ASB18: variants seen among roughly 807,000 people sequenced by gnomAD.
ASB18 encodes the protein ankyrin repeat and SOCS box containing 18, also known as ankyrin repeat and SOCS box protein 18.
Under a neutral mutation model 33.4 loss-of-function variants are expected in ASB18, and 33 were observed. The observed-to-expected ratio is 0.99, with a 90% confidence interval of 0.75 to 1.32. ASB18 has a LOEUF of 1.32. Ranked by LOEUF, ASB18 falls within the 40% of genes most tolerant of loss-of-function variation. The pLI, the probability that ASB18 is intolerant of heterozygous loss-of-function variation, is 0.00. For synonymous variants in ASB18, 295 were observed against 307.6 expected, an observed-to-expected ratio of 0.96 and a Z score of 0.43; for missense variants, 694 against 655.5, an observed-to-expected ratio of 1.06 and a Z score of -0.64.
chr2:236,200,803 G>GT lies in ASB18; in HGVS notation c.1102-4419dup, dbSNP rs1291019288. On this transcript the variant is annotated intron_variant, in intron 4 of 5. Transcript: ENST00000409749. This position sits in a 1 kb window ranked among gnomAD's most constrained non-coding sequence, Gnocchi z 4.2. ...TTGTATTTTCAATGCTTTTTTTCCTGTTTAGTTTTGCTGAAGGTTTTTCCA... is the reference window on the plus strand; with the variant it reads ...TTGTATTTTCAATGCTTTTTTTCCTGTTTTAGTTTTGCTGAAGGTTTTTCCA... Among the ~76,000 whole-genome samples, 4 of 152,032 alleles carry GT rather than the reference G, an allele frequency of 2.6e-5. No individual in the cohort carries two copies. The highest frequency in any genetic ancestry group is 4.8e-5 in the African/African-American group (2 of 41,416).
rs192170562 is a variant in ASB18 at position 236,235,197 on chromosome 2, C to G, written c.596+2492G>C. Reference sequence around the variant, plus strand: ...TTATAACAATGGTTTTGGTCAACAACAGACCACATATACAATAGTGGTCCC... The same window carrying G: ...TTATAACAATGGTTTTGGTCAACAAGAGACCACATATACAATAGTGGTCCC... On this transcript the variant is annotated intron_variant, in intron 3 of 5. Transcript: ENST00000409749. The surrounding 1 kb of genome is among the most constrained non-coding windows in gnomAD (Gnocchi z 6.2). Among the ~76,000 whole-genome samples, 1 of 152,308 alleles carries G rather than the reference C, an allele frequency of 6.6e-6. No individual in the cohort carries two copies. The highest frequency in any genetic ancestry group is 1.5e-5 in the Non-Finnish European group (1 of 68,028).
rs2060500956 is a variant in ASB18, at chr2:236,219,320, G to A, written c.597-4454C>T. 6.6e-6 allele frequency among the ~76,000 whole-genome samples: 1 copy of A among 152,120 alleles called. No individual in the cohort carries two copies. Among genetic ancestry groups the A allele is most frequent in the African/African-American group, 2.4e-5 (1 of 41,398 alleles). ...AGTTTGATACAAGAACCACAACAGA[G>A]GTTATTAATAACAAAACCATCCCCA... On this transcript the variant is annotated intron_variant, in intron 3 of 5. Transcript: ENST00000409749. The surrounding 1 kb of genome is among the most constrained non-coding windows in gnomAD (Gnocchi z 6.4).
chr2:236,198,920 C>T (rs2060386633), intron 4 of ASB18, among the ~76,000 whole-genome samples: 2 of 152,106 alleles, frequency 1.3e-5, no homozygotes, highest in African/African-American at 4.8e-5. Context: ...TAAATAACAA[C>T]ATTAATAGCA....
chr2:236,241,174 A>T lies in ASB18; in HGVS notation c.328+106T>A. 1 of 1,151,038 alleles carries T rather than the reference A, an allele frequency of 8.7e-7. No individual in the cohort carries two copies. The allele number at this position is 1,151,038 out of a possible 1,614,324, so 71.3% of individuals were successfully genotyped here. On this transcript the variant is annotated intron_variant, in intron 2 of 5. Transcript: ENST00000409749. The surrounding 1 kb of genome is among the most constrained non-coding windows in gnomAD (Gnocchi z 4.2). ...CAGATGTCCTTTTCTTGTGTACGTT[A>T]AACCCAGTGCCACTGTGCCCAGTCT...
chr2:236,264,073 G>A lies in ASB18; in HGVS notation c.205+68C>T. 7.0e-7 allele frequency: 1 copy of A among 1,429,466 alleles called. No individual in the cohort carries two copies. The allele number at this position is 1,429,466 out of a possible 1,614,324, so 88.5% of individuals were successfully genotyped here. A position where few individuals can be genotyped will look rare whatever the true frequency, so the allele number is the denominator to read the frequency against. On this transcript the variant is annotated intron_variant, in intron 1 of 5. Transcript: ENST00000409749. This position sits in a 1 kb window ranked among gnomAD's most constrained non-coding sequence, Gnocchi z 5.1. ...CCAAACATTTGCCCCTCTACCTCCAGGATCTGCCCACCCCATCAGTGTAAC... is the reference window on the plus strand; with the variant it reads ...CCAAACATTTGCCCCTCTACCTCCAAGATCTGCCCACCCCATCAGTGTAAC...
rs1020858160 is a variant in ASB18 at position 236,244,091 on chromosome 2, G to A, written c.206-2689C>T. ...ATCTGCCCACTTCGGCCTCCCAAGTGCTGGGATTACAGGTGTGAGCCACCG... is the reference window on the plus strand; with the variant it reads ...ATCTGCCCACTTCGGCCTCCCAAGTACTGGGATTACAGGTGTGAGCCACCG... On this transcript the variant is annotated intron_variant, in intron 1 of 5. Coordinates refer to ENST00000409749, the MANE Select transcript of ASB18 (RefSeq NM_212556.4). The surrounding 1 kb of genome is among the most constrained non-coding windows in gnomAD (Gnocchi z 6.1). 6.6e-6 allele frequency among the ~76,000 whole-genome samples: 1 copy of A among 152,208 alleles called. No homozygotes were observed.
chr2:236,207,215 A>G (rs1476274912), intron 4 of ASB18, among the ~76,000 whole-genome samples: 3 of 152,206 alleles, frequency 2.0e-5, no homozygotes, highest in Non-Finnish European at 4.4e-5. Flanking sequence ...ACACGGGCCA[A>G]TGGCCCAGCA....
rs2060457716 is a variant in ASB18, at chr2:236,211,360, T to C, written c.1101+3002A>G. 6.6e-6 allele frequency among the ~76,000 whole-genome samples: 1 copy of C among 152,242 alleles called. No individual in the cohort carries two copies. The highest frequency in any genetic ancestry group is 6.5e-5 in the Admixed American group (1 of 15,292). On this transcript the variant is annotated intron_variant, in intron 4 of 5. Transcript: ENST00000409749. The surrounding 1 kb of genome is among the most constrained non-coding windows in gnomAD (Gnocchi z 5.0). ...ACGTGGGCTTCCGAAGCCGTGACAC[T>C]ACTTTGATTCTCACTGCAGAGCACT... is the stretch of plus-strand genomic sequence containing the variant.
At position 236,214,573 on chromosome 2, in the gene ASB18, A is replaced by G. The variant is rs529127050; in HGVS notation, c.890T>C (p.Leu297Pro). ...GCTCGCGTGGCCGCAGGCTTTGTGCAGCGGGCTGCGCTCGTCCTCGTCGCG... is the reference window on the plus strand; with the variant it reads ...GCTCGCGTGGCCGCAGGCTTTGTGCGGCGGGCTGCGCTCGTCCTCGTCGCG... ...DARDEDERSP[L>P]HKACGHASHS... The change falls in exon 4 of 6, where the codon CTG becomes CCG. Residue 297 changes from leucine to proline, a missense_variant. Transcript: ENST00000409749. This position sits in a 1 kb window ranked among gnomAD's most constrained non-coding sequence, Gnocchi z 6.5. 8.8e-4 allele frequency: 1,199 copies of G among 1,355,602 alleles called. 9 individuals carry two copies. The African/African-American group carries it at 0.015, about 17-fold the overall frequency. 84.0% of individuals were successfully genotyped at this position (1,355,602 alleles called of 1,614,324 possible).
rs939918287 is a variant in ASB18 at position 236,215,088 on chromosome 2, T to A, written c.597-222A>T. Among the ~76,000 whole-genome samples, 1 of 150,988 alleles carries A rather than the reference T, an allele frequency of 6.6e-6. No individual in the cohort carries two copies. The highest frequency in any genetic ancestry group is 2.4e-5 in the African/African-American group (1 of 40,960). On this transcript the variant is annotated intron_variant, in intron 3 of 5. Transcript: ENST00000409749. This position sits in a 1 kb window ranked among gnomAD's most constrained non-coding sequence, Gnocchi z 7.2. ...TGAGTGGTGTAAATAGCAAAGGATA[T>A]GCCATAAGAATCCACGTGCAGAGTT...
rs578092083 is a variant in ASB18 at position 236,244,928 on chromosome 2, C to G, written c.206-3526G>C. Among the ~76,000 whole-genome samples the G allele has an allele frequency of 6.6e-6, 1 of 152,266 alleles. No individual in the cohort carries two copies. The highest frequency in any genetic ancestry group is 1.9e-4 in the East Asian group (1 of 5,174). On this transcript the variant is annotated intron_variant, in intron 1 of 5. Coordinates refer to ENST00000409749, the MANE Select transcript of ASB18 (RefSeq NM_212556.4). This position sits in a 1 kb window ranked among gnomAD's most constrained non-coding sequence, Gnocchi z 6.1. ...CTGACCCAAGGCCTGGAGGTTCACC[C>G]AAATGATAAAACCCACCTCTCTTCT... is the stretch of plus-strand genomic sequence containing the variant.
In ASB18 at chr2:236,228,706, A is replaced by G. The variant is rs2060551947; in HGVS notation, c.596+8983T>C. On this transcript the variant is annotated intron_variant, in intron 3 of 5. Coordinates refer to ENST00000409749, the MANE Select transcript of ASB18 (RefSeq NM_212556.4). This position sits in a 1 kb window ranked among gnomAD's most constrained non-coding sequence, Gnocchi z 5.1. ...GGCTGGTTTCAGCAACCAAAGTGTG[A>G]AACCTTATAAATAATTAGGTATGGA... Among the ~76,000 whole-genome samples, 1 of 152,318 alleles carries G rather than the reference A, an allele frequency of 6.6e-6. No homozygotes were observed. Among genetic ancestry groups the G allele is most frequent in the African/African-American group, 2.4e-5 (1 of 41,580 alleles).
Position 236,244,320 on chromosome 2 carries a change from A to G in ASB18, c.206-2918T>C, listed in dbSNP as rs1332019177. Among the ~76,000 whole-genome samples the G allele has an allele frequency of 6.6e-6, 1 of 152,142 alleles. No homozygotes were observed. The highest frequency in any genetic ancestry group is 1.5e-5 in the Non-Finnish European group (1 of 68,036). ...TGAGCAGAGAGAAGAGCAGTGCAGT[A>G]TGGGCCCAGGAGGGCTAAGCAGACC... On this transcript the variant is annotated intron_variant, in intron 1 of 5. Transcript: ENST00000409749. The surrounding 1 kb of genome is among the most constrained non-coding windows in gnomAD (Gnocchi z 6.1).
rs2060494526 is a variant in ASB18, at chr2:236,217,775, AAAGATCTTTACAAACAAGTAC to A, written c.597-2930_597-2910del. ...CTTGAGAAGTGGTCTGTCTTGAGTG[AAAGATCTTTACAAACAAGTAC>A]AGTTTGATGTGGAGTCCTTTGGGAC... On this transcript the variant is annotated intron_variant, in intron 3 of 5. Coordinates refer to ENST00000409749, the MANE Select transcript of ASB18 (RefSeq NM_212556.4). The surrounding 1 kb of genome is among the most constrained non-coding windows in gnomAD (Gnocchi z 5.2). Among the ~76,000 whole-genome samples, 1 of 152,176 alleles carries A rather than the reference AAAGATCTTTACAAACAAGTAC, an allele frequency of 6.6e-6. No individual in the cohort carries two copies. The highest frequency in any genetic ancestry group is 6.5e-5 in the Admixed American group (1 of 15,284).
chr2:236,247,579 A>G (rs1180479261), intron 1 of ASB18: 1 of 152,060 alleles, frequency 6.6e-6, no homozygotes, highest in Non-Finnish European at 1.5e-5. Flanking sequence ...CTGCCTTCAC[A>G]TTTATCTATA....
At position 236,237,928 on chromosome 2, in the gene ASB18, C is replaced by A. The variant is rs1212078334; in HGVS notation, c.357G>T (p.Glu119Asp). The change falls in exon 3 of 6, where the codon GAG (glutamate) becomes GAT (aspartate). Residue 119 changes from glutamate to aspartate, a missense_variant. Physicochemically the swap from Glu to Asp is conservative, Grantham distance 45. Coordinates refer to ENST00000409749, the MANE Select transcript of ASB18 (RefSeq NM_212556.4). The surrounding 1 kb of genome is among the most constrained non-coding windows in gnomAD (Gnocchi z 6.2). ...SGLWTLEYKR[E>D]LTTPLCIAAA... The stretch of plus-strand genomic sequence containing the variant: ...CGGCGATGCACAGGGGCGTGGTGAG[C>A]TCACGCTTGTACTCCAGGGTCCAGA... 9.3e-6 allele frequency: 14 copies of A among 1,505,328 alleles called. No homozygotes were observed. The highest frequency in any genetic ancestry group is 1.2e-5 in the Non-Finnish European group (14 of 1,133,332). The allele number at this position is 1,505,328 out of a possible 1,614,324, so 93.2% of individuals were successfully genotyped here.
chr2:236,207,653 G>A (rs115113000), intron 4 of ASB18, among the ~76,000 whole-genome samples: 2,002 of 152,204 alleles, frequency 0.013, 46 homozygotes, highest in African/African-American at 0.046. Flanking sequence ...GCCCAGCCCC[G>A]TTCCCGGTTG....
At position 236,208,416 on chromosome 2, in the gene ASB18, CG is replaced by C. The variant is rs1322694251; in HGVS notation, c.1101+5945del. Among the ~76,000 whole-genome samples the C allele has an allele frequency of 6.6e-6, 1 of 152,188 alleles. No individual in the cohort carries two copies. The highest frequency in any genetic ancestry group is 1.5e-5 in the Non-Finnish European group (1 of 68,038). On this transcript the variant is annotated intron_variant, in intron 4 of 5. Coordinates refer to ENST00000409749, the MANE Select transcript of ASB18 (RefSeq NM_212556.4). The surrounding 1 kb of genome is among the most constrained non-coding windows in gnomAD (Gnocchi z 7.7). ...TAAGAAGGACTCACGCTGGACCCCT[CG>C]GGATGGAGTCTGCTGCTATTTATCT...
intron 3 of ASB18, among the ~76,000 whole-genome samples, chr2:236,230,824 C>T (rs1034774785): frequency 6.6e-6 from 1 of 151,018 alleles, no homozygotes; most frequent in East Asian, 1.9e-4. Context: ...AATAGATGAA[C>T]CAAATAGAAA....
Sources: gnomAD v4.1 joint callset for allele counts (sites outside exome capture counted in the v4.1 genomes callset) on GRCh38, gnomAD v4.1.1 for gene constraint, Gnocchi (gnomAD v3.1) non-coding constraint, MANE v1.5 for transcripts, NCBI Gene and HGNC (gene_info 2026-07-23, HGNC 2026-07-21) for gene names.